The following LAPTM5 variants were observed in gnomAD, a reference collection of about 807,000 sequenced individuals.
LAPTM5 encodes the protein lysosomal protein transmembrane 5.
LAPTM5 carries 11 observed loss-of-function variants against 30.1 expected under a neutral mutation model. The observed-to-expected ratio is 0.37, with a 90% CI of 0.23 to 0.60. The LOEUF (loss-of-function observed/expected upper bound fraction) is 0.60, where lower values mean the gene tolerates loss of function less well. Among genes scored for constraint, LAPTM5 ranks in the 20% least tolerant of loss-of-function variants. The pLI, the probability that LAPTM5 is intolerant of heterozygous loss-of-function variation, is 0.71. For missense variants in LAPTM5, 324 were observed against 332.5 expected (o/e 0.97, Z 0.20); for synonymous variants, 151 against 137.9 (o/e 1.10, Z -0.67).
At chr1:30,751,383 C>G (rs1156248232) in intron 1 of LAPTM5, among the ~76,000 whole-genome samples, 1 of 152,238 alleles carries the variant, frequency 6.6e-6, no homozygotes, top group Non-Finnish European at 1.5e-5. Context: ...AGATTCTCAC[C>G]CAGGGTTTTC....
chr1:30,747,191 C>T (rs1640060955), intron 1 of LAPTM5, among the ~76,000 whole-genome samples: 1 of 152,110 alleles, frequency 6.6e-6, no homozygotes, highest in Non-Finnish European at 1.5e-5. Context: ...AGGAGTTTTC[C>T]AACACAGAAG....
chr1:30,741,963 A>T, intron 2 of LAPTM5: 1 of 404,756 alleles, frequency 2.5e-6, no homozygotes, highest in Non-Finnish European at 4.5e-6. Flanking sequence ...CACTTCAGCC[A>T]GGGTGAGGCT....
chr1:30,742,141 A>G (rs1569860716), intron 2 of LAPTM5: 8 of 433,518 alleles, frequency 1.8e-5, no homozygotes, highest in Non-Finnish European at 2.5e-5. Flanking sequence ...AGGAGTTTCC[A>G]TTTTATTCTA....
At chr1:30,748,920 T>C (rs187231994) in intron 1 of LAPTM5, among the ~76,000 whole-genome samples, 157 of 152,302 alleles carry the variant, frequency 1.0e-3, no homozygotes, top group African/African-American at 3.6e-3. Flanking sequence ...TCCTCATCTG[T>C]AGAAGGGAGA....
At chr1:30,756,634 C>G (rs1393816343) in intron 1 of LAPTM5, among the ~76,000 whole-genome samples, 1 of 152,230 alleles carries the variant, frequency 6.6e-6, no homozygotes, top group Non-Finnish European at 1.5e-5. Flanking sequence ...GCATCGCCCC[C>G]CTGAAGGCTG....
intron 1 of LAPTM5, among the ~76,000 whole-genome samples, chr1:30,751,853 C>G (rs1361044633): frequency 1.3e-5 from 2 of 152,218 alleles, no homozygotes; most frequent in East Asian, 1.9e-4. Flanking sequence ...ACTTTTGAGG[C>G]AGGGACCACT....
intron 1 of LAPTM5, among the ~76,000 whole-genome samples, chr1:30,743,718 C>T (rs985101600): frequency 6.6e-6 from 1 of 151,932 alleles, no homozygotes; most frequent in African/African-American, 2.4e-5. Context: ...TTCTAGGCAG[C>T]CCTGCACTGG....
chr1:30,753,833 C>G (rs906317512), intron 1 of LAPTM5, among the ~76,000 whole-genome samples: 1 of 152,186 alleles, frequency 6.6e-6, no homozygotes, highest in Admixed American at 6.5e-5. Flanking sequence ...GAGACGTTAG[C>G]AATAGAGGAA....
At chr1:30,748,956 G>A (rs1167228940) in intron 1 of LAPTM5, among the ~76,000 whole-genome samples, 2 of 152,206 alleles carry the variant, frequency 1.3e-5, no homozygotes, top group Admixed American at 6.5e-5. Flanking sequence ...CTCCTGGAGT[G>A]GGTGTGAGAA....
intron 1 of LAPTM5, among the ~76,000 whole-genome samples, chr1:30,748,093 G>A (rs936184487): frequency 3.3e-5 from 5 of 152,098 alleles, no homozygotes; most frequent in African/African-American, 9.7e-5. Context: ...AGGACCCACC[G>A]TCTCAGAAGC....
At position 30,742,858 on chromosome 1, in the gene LAPTM5, G is replaced by A. The variant is rs547186136; in HGVS notation, c.88-309C>T. Among the ~76,000 whole-genome samples the A allele has an allele frequency of 9.8e-5, 15 of 152,294 alleles. 1 individual carries two copies. The East Asian group carries it at 2.9e-3, about 29-fold the overall frequency. On this transcript the variant is annotated intron_variant, in intron 1 of 7. Transcript: ENST00000294507. ...AACTTCCTTAGGAGGCTACTGTGAG[G>A]AGTAAATGAGACTATCCCAGGAGAG...
At chr1:30,747,767 G>A (rs1156428737) in intron 1 of LAPTM5, among the ~76,000 whole-genome samples, 1 of 152,164 alleles carries the variant, frequency 6.6e-6, no homozygotes, top group African/African-American at 2.4e-5. Flanking sequence ...AAGGATGGCG[G>A]TACCAGAGGG....
intron 6 of LAPTM5, among the ~76,000 whole-genome samples, chr1:30,735,639 A>G (rs192791284): frequency 1.3e-5 from 2 of 152,316 alleles, no homozygotes; most frequent in African/African-American, 4.8e-5. Context: ...GTTTTCTTCA[A>G]AATTGCTTCC....
At position 30,732,529 on chromosome 1, in the gene LAPTM5, G is replaced by T. The variant is rs965380632; in HGVS notation, c.*1299C>A. On this transcript the variant is annotated 3_prime_UTR_variant, in exon 8 of 8. Coordinates refer to ENST00000294507, the MANE Select transcript of LAPTM5 (RefSeq NM_006762.3). ...GTCGCACACAAAGCAATTACACAAG[G>T]GGGTATTGCCAGGGAGCTCTTGCAG... 1 of 151,390 alleles carries T rather than the reference G, an allele frequency of 6.6e-6. No homozygotes were observed. The highest frequency in any genetic ancestry group is 2.4e-5 in the African/African-American group (1 of 41,060). 9.4% of individuals were successfully genotyped at this position (151,390 alleles called of 1,614,324 possible).
At position 30,735,292 on chromosome 1, in the gene LAPTM5, G is replaced by A. The variant is rs553091100; in HGVS notation, c.607-27C>T. On this transcript the variant is annotated intron_variant, in intron 6 of 7. Coordinates refer to ENST00000294507, the MANE Select transcript of LAPTM5 (RefSeq NM_006762.3). ...TGGAAAAAGGCCCAGGTCAGGCTGTGCTTTGCTGAGCGTCCTTCTCACGCT... is the reference window on the plus strand; with the variant it reads ...TGGAAAAAGGCCCAGGTCAGGCTGTACTTTGCTGAGCGTCCTTCTCACGCT... 2.9e-5 allele frequency: 46 copies of A among 1,591,650 alleles called. No individual in the cohort carries two copies. The East Asian group carries it at 7.6e-4, about 26-fold the overall frequency.
In LAPTM5 at chr1:30,739,688, G is replaced by T; in HGVS notation, c.387+121C>A. The T allele has an allele frequency of 8.3e-7, 1 of 1,204,696 alleles. No homozygotes were observed. The highest frequency in any genetic ancestry group is 1.1e-6 in the Non-Finnish European group (1 of 897,038). 74.6% of individuals were successfully genotyped at this position (1,204,696 alleles called of 1,614,324 possible). A position where few individuals can be genotyped will look rare whatever the true frequency, so the allele number is the denominator to read the frequency against. ...ACTCAGAGACTGGGTCAAGACACCA[G>T]CCAGGAAGAGGGCTCCTACCCTCCC... On this transcript the variant is annotated intron_variant, in intron 4 of 7. Transcript: ENST00000294507. The surrounding 1 kb of genome is among the most constrained non-coding windows in gnomAD (Gnocchi z 4.2).
chr1:30,747,539 T>C (rs1640066007), intron 1 of LAPTM5, among the ~76,000 whole-genome samples: 1 of 152,134 alleles, frequency 6.6e-6, no homozygotes, highest in Non-Finnish European at 1.5e-5. Context: ...TCAGTTCTTA[T>C]TCCCGTCTGC....
intron 1 of LAPTM5, among the ~76,000 whole-genome samples, chr1:30,757,140 C>A (rs1207011042): frequency 6.6e-6 from 1 of 152,196 alleles, no homozygotes; most frequent in African/African-American, 2.4e-5. Flanking sequence ...CCTGCCTCCC[C>A]ACTGGAGGCA....
intron 6 of LAPTM5, among the ~76,000 whole-genome samples, chr1:30,736,537 G>C (rs2178424): frequency 5.3e-5 from 8 of 152,002 alleles, no homozygotes; most frequent in Non-Finnish European, 1.2e-4. Flanking sequence ...AGGCTCAAGC[G>C]ATCCTCCCGC....
Sources: allele counts gnomAD v4.1 joint callset (sites outside exome capture counted in the v4.1 genomes callset), GRCh38; gene constraint gnomAD v4.1.1; non-coding constraint Gnocchi (gnomAD v3.1); transcripts MANE v1.5; gene names NCBI Gene and HGNC (gene_info 2026-07-23, HGNC 2026-07-21).